Variants in TMEM38B observed in about 807,000 individuals in gnomAD.
The protein encoded by TMEM38B is transmembrane protein 38B.
In TMEM38B, 24 loss-of-function variants were observed where a neutral mutation model predicts 28.7. The observed-to-expected ratio is 0.84, with a 90% CI of 0.61 to 1.18. The LOEUF is 1.18. TMEM38B is among the 50% of genes most tolerant of loss of function. The pLI, the probability that TMEM38B is intolerant of heterozygous loss-of-function variation, is 0.00. For synonymous variants in TMEM38B, 131 were observed against 127.7 expected (o/e 1.03, Z -0.17); for missense variants, 380 against 350.9 (o/e 1.08, Z -0.66).
chr9:105,713,466 G>A (rs1453069321), intron 2 of TMEM38B, among the ~76,000 whole-genome samples: 1 of 152,208 alleles, frequency 6.6e-6, no homozygotes, highest in African/African-American at 2.4e-5. Context: ...GGCTGGGTGT[G>A]CCATTGCTTG....
chr9:105,762,206 G>T (rs2133640922), intron 5 of TMEM38B, among the ~76,000 whole-genome samples: 1 of 151,878 alleles, frequency 6.6e-6, no homozygotes, highest in South Asian at 2.1e-4. Context: ...AATCTGGACA[G>T]AAAATTATAA....
At chr9:105,719,785 A>G (rs1836256268) in intron 2 of TMEM38B, among the ~76,000 whole-genome samples, 1 of 152,138 alleles carries the variant, frequency 6.6e-6, no homozygotes, top group Non-Finnish European at 1.5e-5. Context: ...GGCTTAGTGT[A>G]AGGAATGAAA....
rs577230254 is a variant in TMEM38B, at chr9:105,759,659, T to C, written c.660+11469T>C. The C allele has an allele frequency of 3.6e-5, 58 of 1,602,208 alleles. No homozygotes were observed. The South Asian group carries it at 4.7e-4, about 13-fold the overall frequency. On this transcript the variant is annotated intron_variant, in intron 5 of 5. Transcript: ENST00000374692. ...AAGAGGCATCAATCTTTTCCAAACA[T>C]AGAAGGACAAAATACTAAACTGTTT...
Position 105,749,074 on chromosome 9 carries a change from A to C in TMEM38B, c.660+884A>C, listed in dbSNP as rs1588453331. 8 of 1,303,250 alleles carry C rather than the reference A, an allele frequency of 6.1e-6. No individual in the cohort carries two copies. In the East Asian group the frequency reaches 4.4e-4, roughly 72 times the overall value. 80.7% of individuals were successfully genotyped at this position (1,303,250 alleles called of 1,614,324 possible). ...GTGAATCATTTATTTTTGTTTCAGT[A>C]GTCTCTGAATTGGAGATGATCTGTG... On this transcript the variant is annotated intron_variant, in intron 5 of 5. Transcript: ENST00000374692.
intron 4 of TMEM38B, among the ~76,000 whole-genome samples, chr9:105,738,114 G>A (rs961691651): frequency 2.0e-5 from 3 of 152,130 alleles, no homozygotes; most frequent in Non-Finnish European, 4.4e-5. Flanking sequence ...CACAGTAGCA[G>A]GTTGGGCTAC....
At chr9:105,735,900 T>C (rs1836955453) in intron 4 of TMEM38B, among the ~76,000 whole-genome samples, 1 of 152,156 alleles carries the variant, frequency 6.6e-6, no homozygotes, top group Non-Finnish European at 1.5e-5. Flanking sequence ...AGTGTCTTGC[T>C]CTGTTGCCCA....
At chr9:105,761,570 T>C (rs1262941966) in intron 5 of TMEM38B, among the ~76,000 whole-genome samples, 11 of 152,206 alleles carry the variant, frequency 7.2e-5, no homozygotes, top group Non-Finnish European at 1.5e-4. Context: ...TCAAGGGAGA[T>C]ACACCTATCA....
At chr9:105,758,731 G>A (rs1376814899) in intron 5 of TMEM38B, 1 of 732,940 alleles carries the variant, frequency 1.4e-6, no homozygotes, top group Non-Finnish European at 2.4e-6. Context: ...GATAAAGATA[G>A]TATTTTTAAA....
In TMEM38B at chr9:105,755,747, C is replaced by T. The variant is rs553385019; in HGVS notation, c.660+7557C>T. Among the ~76,000 whole-genome samples, 58 of 152,258 alleles carry T rather than the reference C, an allele frequency of 3.8e-4. No individual in the cohort carries two copies. The South Asian group carries it at 0.011, about 29-fold the overall frequency. ...CTTTGTTTTCAATATACAAGTCTTA[C>T]ACTTTTTTTGTTAAATTTATACCTA... On this transcript the variant is annotated intron_variant, in intron 5 of 5. Transcript: ENST00000374692.
intron 5 of TMEM38B, chr9:105,758,997 A>G (rs1837935604): frequency 6.8e-6 from 7 of 1,029,290 alleles, no homozygotes; most frequent in Admixed American, 3.4e-5. Context: ...AATGTACAAC[A>G]TGGCCAATAC....
intron 5 of TMEM38B, 110 bp downstream of exon 5, chr9:105,748,300 C>G: frequency 1.3e-6 from 1 of 755,794 alleles, no homozygotes. Context: ...TTATTATTAT[C>G]TAAGAGGAAT....
intron 4 of TMEM38B, among the ~76,000 whole-genome samples, chr9:105,724,310 T>C (rs111998871): frequency 1.3e-3 from 201 of 152,224 alleles, no homozygotes; most frequent in African/African-American, 4.6e-3. Flanking sequence ...CTAATTTAAA[T>C]TGGATTAAAA....
intron 2 of TMEM38B, 152 bp downstream of exon 2, chr9:105,705,905 T>G: frequency 3.0e-6 from 2 of 665,796 alleles, no homozygotes; most frequent in Non-Finnish European, 4.5e-6. Context: ...CTAAGGGGTT[T>G]TTTTTTTTTT....
At chr9:105,744,289 T>A (rs1037413160) in intron 4 of TMEM38B, among the ~76,000 whole-genome samples, 2 of 151,854 alleles carry the variant, frequency 1.3e-5, no homozygotes, top group Non-Finnish European at 2.9e-5. Context: ...GAGTAAAAAA[T>A]GAGACATGTT....
intron 4 of TMEM38B, among the ~76,000 whole-genome samples, chr9:105,728,994 G>A (rs1303295387): frequency 2.0e-5 from 3 of 152,050 alleles, no homozygotes; most frequent in Admixed American, 6.5e-5. Context: ...TTTGTCAGAT[G>A]AGTAGATTGC....
At chr9:105,758,025 A>G (rs1463084006) in intron 5 of TMEM38B, 4 of 239,266 alleles carry the variant, frequency 1.7e-5, no homozygotes, top group African/African-American at 8.9e-5. Flanking sequence ...TATCAGAACC[A>G]CTTTAAAAAA....
intron 5 of TMEM38B, among the ~76,000 whole-genome samples, chr9:105,769,984 T>C (rs1038018105): frequency 6.6e-6 from 1 of 152,134 alleles, no homozygotes; most frequent in African/African-American, 2.4e-5. Flanking sequence ...TGAATACTGA[T>C]GAGAAGTGTC....
At chr9:105,743,430 G>T (rs190913162) in intron 4 of TMEM38B, among the ~76,000 whole-genome samples, 5 of 152,174 alleles carry the variant, frequency 3.3e-5, no homozygotes, top group Non-Finnish European at 5.9e-5. Flanking sequence ...GTCCTGTTTT[G>T]CAGTGTGGCA....
chr9:105,718,046 A>T (rs1836173927), intron 2 of TMEM38B, among the ~76,000 whole-genome samples: 2 of 152,172 alleles, frequency 1.3e-5, no homozygotes, highest in African/African-American at 4.8e-5. Flanking sequence ...TGGGATTCCA[A>T]CCTGGCGCAG....
Sources: allele counts gnomAD v4.1 joint callset (sites outside exome capture counted in the v4.1 genomes callset), GRCh38; gene constraint gnomAD v4.1.1; transcripts MANE v1.5; gene names NCBI Gene and HGNC (gene_info 2026-07-23, HGNC 2026-07-21).